Variants in CPNE8 observed in about 807,000 individuals in gnomAD.
CPNE8 encodes the protein copine-8.
Under a neutral mutation model 81.5 loss-of-function variants are expected in CPNE8, and 45 were observed. The ratio of observed to expected loss-of-function variants is 0.55; its 90% CI spans 0.44 to 0.71. The LOEUF is 0.71. CPNE8 is among the 30% of genes least tolerant of loss of function. The pLI, the probability that CPNE8 is intolerant of heterozygous loss-of-function variation, is 0.00. For missense variants in CPNE8, 594 were observed against 672.1 expected, an observed-to-expected ratio of 0.88 and a Z score of 1.28; for synonymous variants, 252 against 226.3, an observed-to-expected ratio of 1.11 and a Z score of -1.02.
Position 38,653,681 on chromosome 12 carries a change from T to G in CPNE8, c.*201A>C. ...TACTTTGCTTCAAGCATTTAAACAA[T>G]TTTTTCTGTTGCTCATGCAACAACC... On this transcript the variant is annotated 3_prime_UTR_variant, in exon 20 of 20. Coordinates refer to ENST00000331366, the MANE Select transcript of CPNE8 (RefSeq NM_153634.3). 1 of 548,080 alleles carries G rather than the reference T, an allele frequency of 1.8e-6. No homozygotes were observed. Among genetic ancestry groups the G allele is most frequent in the Non-Finnish European group, 2.7e-6 (1 of 364,160 alleles). The allele number at this position is 548,080 out of a possible 1,614,324, so 34.0% of individuals were successfully genotyped here.
intron 10 of CPNE8, among the ~76,000 whole-genome samples, chr12:38,745,882 G>A (rs1437549158): frequency 6.6e-6 from 1 of 152,020 alleles, no homozygotes; most frequent in Non-Finnish European, 1.5e-5. Context: ...TTCTAGCAAT[G>A]GTCCTTAACC....
upstream of CPNE8, chr12:38,906,095 C>A: frequency 1.0e-6 from 1 of 986,358 alleles, no homozygotes; most frequent in Non-Finnish European, 1.2e-6. Flanking sequence ...TCTGCCCGTT[C>A]CTAACTGCCC....
At chr12:38,841,196 G>A (rs1298516300) in intron 4 of CPNE8, among the ~76,000 whole-genome samples, 1 of 152,148 alleles carries the variant, frequency 6.6e-6, no homozygotes, top group Admixed American at 6.5e-5. Flanking sequence ...GGGATACTAA[G>A]GCTTTGAGGT....
chr12:38,793,591 T>A (rs1391666934), intron 6 of CPNE8, among the ~76,000 whole-genome samples: 2 of 151,910 alleles, frequency 1.3e-5, no homozygotes, highest in East Asian at 3.9e-4. Context: ...TGTTAAGACA[T>A]CTCATGTTCA....
chr12:38,784,890 T>C (rs918319817), intron 6 of CPNE8, among the ~76,000 whole-genome samples: 13 of 152,008 alleles, frequency 8.6e-5, no homozygotes, highest in African/African-American at 2.4e-4. Context: ...AGAGAATATC[T>C]CAAATCAGAA....
chr12:38,685,751 C>T (rs1244051265), intron 15 of CPNE8, 134 bp from the exon 16 acceptor site: 4 of 766,280 alleles, frequency 5.2e-6, no homozygotes, highest in Non-Finnish European at 6.0e-6. Context: ...CATAAATTTA[C>T]AATAGCAAAA....
chr12:38,823,557 C>T (rs749822287), intron 6 of CPNE8, among the ~76,000 whole-genome samples: 3 of 152,184 alleles, frequency 2.0e-5, no homozygotes, highest in Non-Finnish European at 4.4e-5. Flanking sequence ...ACCATTACTG[C>T]TGGTACTGCT....
chr12:38,848,794 A>G (rs1943597188), intron 3 of CPNE8, 132 bp from the exon 4 acceptor site: 1 of 1,166,038 alleles, frequency 8.6e-7, no homozygotes, highest in Admixed American at 4.1e-5. Flanking sequence ...TTTTAGCGAT[A>G]AAATCACCTC....
At chr12:38,810,862 C>T (rs1942921631) in intron 6 of CPNE8, among the ~76,000 whole-genome samples, 1 of 152,084 alleles carries the variant, frequency 6.6e-6, no homozygotes, top group Non-Finnish European at 1.5e-5. Context: ...TTCCATGTGG[C>T]TCCCTACATC....
At chr12:38,864,224 G>A (rs1285235611) in intron 3 of CPNE8, among the ~76,000 whole-genome samples, 1 of 152,142 alleles carries the variant, frequency 6.6e-6, no homozygotes, top group East Asian at 1.9e-4. Context: ...TAGAAATAGG[G>A]TTCAAGAACT....
chr12:38,781,371 A>G (rs1942049630), intron 6 of CPNE8, among the ~76,000 whole-genome samples: 1 of 152,030 alleles, frequency 6.6e-6, no homozygotes, highest in Admixed American at 6.6e-5. Context: ...ATTATATAAA[A>G]ATTAAATTCA....
chr12:38,904,703 G>T (rs1944540180), intron 1 of CPNE8, among the ~76,000 whole-genome samples: 1 of 151,974 alleles, frequency 6.6e-6, no homozygotes, highest in South Asian at 2.1e-4. Flanking sequence ...TCCTGACCTC[G>T]TGATCCACCC....
chr12:38,799,296 G>A (rs558650138), intron 6 of CPNE8, among the ~76,000 whole-genome samples: 4 of 152,200 alleles, frequency 2.6e-5, no homozygotes, highest in Non-Finnish European at 2.9e-5. Flanking sequence ...ATACTTGGAA[G>A]TAAAGCTCTC....
chr12:38,795,851 TGATAGATGGATGGATG>T (rs1234691995), intron 6 of CPNE8, among the ~76,000 whole-genome samples: 1 of 75,390 alleles, frequency 1.3e-5, no homozygotes, highest in Non-Finnish European at 2.8e-5. Flanking sequence ...GTAAATATGA[TGATAGATGGATGGATG>T]GATAGATAGA....
At chr12:38,824,507 G>T (rs1173295059) in intron 6 of CPNE8, among the ~76,000 whole-genome samples, 1 of 151,574 alleles carries the variant, frequency 6.6e-6, no homozygotes, top group East Asian at 1.9e-4. Flanking sequence ...CAATTAAAAA[G>T]CTAGAAGAAA....
chr12:38,730,861 T>C (rs933829115), intron 10 of CPNE8, among the ~76,000 whole-genome samples: 23 of 150,242 alleles, frequency 1.5e-4, no homozygotes, highest in Non-Finnish European at 3.0e-5. Flanking sequence ...ACTTTTTTTC[T>C]ATAATAGTTA....
intron 6 of CPNE8, among the ~76,000 whole-genome samples, chr12:38,798,366 C>T (rs535914149): frequency 3.0e-4 from 46 of 152,272 alleles, no homozygotes; most frequent in African/African-American, 1.0e-3. Context: ...AGAAACTCTA[C>T]AAGCCAGAAG....
chr12:38,679,355 G>A (rs1203413932), intron 16 of CPNE8, among the ~76,000 whole-genome samples: 1 of 151,824 alleles, frequency 6.6e-6, no homozygotes, highest in Non-Finnish European at 1.5e-5. Context: ...CTATAAGAGA[G>A]TTATAGATAC....
At chr12:38,694,621 C>A (rs1004289878) in intron 14 of CPNE8, among the ~76,000 whole-genome samples, 6 of 152,288 alleles carry the variant, frequency 3.9e-5, no homozygotes, top group African/African-American at 1.4e-4. Flanking sequence ...TAGGATGTTG[C>A]ACTTGAATAG....
Sources: gnomAD v4.1 joint callset for allele counts (sites outside exome capture counted in the v4.1 genomes callset) on GRCh38, gnomAD v4.1.1 for gene constraint, MANE v1.5 for transcripts, NCBI Gene and HGNC (gene_info 2026-07-23, HGNC 2026-07-21) for gene names.